Variants in CDK14 observed in about 807,000 individuals in gnomAD.
CDK14 encodes the protein cyclin-dependent kinase 14.
Under a neutral mutation model 60.7 loss-of-function variants are expected in CDK14, and 34 were observed. The ratio of observed to expected loss-of-function variants is 0.56; its 90% CI spans 0.43 to 0.75. The LOEUF (loss-of-function observed/expected upper bound fraction) is 0.75, where lower values mean the gene tolerates loss of function less well. Ranked by LOEUF, CDK14 falls within the 30% of genes least tolerant of loss-of-function variation. CDK14 has a pLI of 0.00. For missense variants in CDK14, 482 were observed against 564.1 expected (o/e 0.85, Z 1.47); for synonymous variants, 197 against 203.7 (o/e 0.97, Z 0.28).
chr7:91,180,127 T>A (rs1801948785), intron 14 of CDK14, among the ~76,000 whole-genome samples: 1 of 152,140 alleles, frequency 6.6e-6, no homozygotes, highest in East Asian at 1.9e-4. Context: ...GTCTTCAGAT[T>A]CCCCTTGTCA....
At chr7:91,072,566 G>T (rs368568694) in intron 11 of CDK14, among the ~76,000 whole-genome samples, 2 of 152,272 alleles carry the variant, frequency 1.3e-5, no homozygotes, top group South Asian at 2.1e-4. Context: ...ATGAAGATGA[G>T]AAAGAATCAA....
At chr7:90,760,744 G>A (rs901811665) in intron 4 of CDK14, among the ~76,000 whole-genome samples, 1 of 152,122 alleles carries the variant, frequency 6.6e-6, no homozygotes, top group South Asian at 2.1e-4. Flanking sequence ...ACAAAATACA[G>A]CATTACAATG....
chr7:90,645,254 C>T (rs745361341), intron 2 of CDK14, among the ~76,000 whole-genome samples: 2 of 152,036 alleles, frequency 1.3e-5, no homozygotes, highest in Non-Finnish European at 2.9e-5. Context: ...CAGTTTTTTT[C>T]AGGTATTAAT....
intron 4 of CDK14, among the ~76,000 whole-genome samples, chr7:90,752,807 G>A (rs78668055): frequency 0.013 from 1,939 of 152,156 alleles, 57 homozygotes; most frequent in African/African-American, 0.045. Context: ...AATGACAAAG[G>A]TGACATTACA....
At chr7:91,025,734 C>T (rs931961186) in intron 10 of CDK14, among the ~76,000 whole-genome samples, 9 of 152,198 alleles carry the variant, frequency 5.9e-5, no homozygotes, top group Non-Finnish European at 1.2e-4. Context: ...ACTGCCTGTG[C>T]ACTGCCTGTG....
At chr7:90,869,025 G>A (rs1207974721) in intron 6 of CDK14, among the ~76,000 whole-genome samples, 1 of 152,166 alleles carries the variant, frequency 6.6e-6, no homozygotes, top group African/African-American at 2.4e-5. Flanking sequence ...TTTTCAACTT[G>A]CTACAGAATT....
Position 91,101,402 on chromosome 7 carries a change from T to C in CDK14, c.1155-11140T>C, listed in dbSNP as rs1272696647. Among the ~76,000 whole-genome samples the C allele has an allele frequency of 2.6e-5, 4 of 152,202 alleles. No individual in the cohort carries two copies. The East Asian group carries it at 7.7e-4, about 29-fold the overall frequency. ...CAAATAGCATTATTCTAATATAGCA[T>C]TGGCTGTCAAGTGAGCTGACCATTA... On this transcript the variant is annotated intron_variant, in intron 12 of 14. Transcript: ENST00000380050.
intron 2 of CDK14, among the ~76,000 whole-genome samples, chr7:90,721,582 TG>T (rs776720328): frequency 3.2e-4 from 49 of 152,318 alleles, no homozygotes; most frequent in Non-Finnish European, 5.6e-4. Flanking sequence ...GGATGTTTCC[TG>T]GCTCTTTCAC....
intron 11 of CDK14, among the ~76,000 whole-genome samples, chr7:91,066,524 T>G (rs145660866): frequency 6.6e-6 from 1 of 152,154 alleles, no homozygotes; most frequent in African/African-American, 2.4e-5. Flanking sequence ...ACAAAAACAT[T>G]GGTGAGAAGA....
chr7:90,812,073 T>C (rs1402271248), intron 5 of CDK14, among the ~76,000 whole-genome samples: 3 of 152,108 alleles, frequency 2.0e-5, no homozygotes, highest in African/African-American at 4.8e-5. Context: ...TCCTCAGGGA[T>C]CTAGAACTAG....
intron 14 of CDK14, among the ~76,000 whole-genome samples, chr7:91,146,862 T>TA (rs1418105939): frequency 6.6e-6 from 1 of 152,138 alleles, no homozygotes; most frequent in Non-Finnish European, 1.5e-5. Context: ...ATCTGCCTCC[T>TA]TTTTTCTTTG....
intron 8 of CDK14, among the ~76,000 whole-genome samples, chr7:90,933,681 T>C (rs535996653): frequency 6.6e-6 from 1 of 152,330 alleles, no homozygotes; most frequent in Non-Finnish European, 1.5e-5. Context: ...AAGAATTATT[T>C]TCAAGGTCCA....
chr7:90,726,347 AT>A, intron 2 of CDK14: 3 of 968,040 alleles, frequency 3.1e-6, no homozygotes, highest in Non-Finnish European at 3.7e-6. Flanking sequence ...TTAGAGGTAG[AT>A]TTTTTAGTGT....
At chr7:90,758,915 G>T (rs1046826678) in intron 4 of CDK14, among the ~76,000 whole-genome samples, 2 of 152,102 alleles carry the variant, frequency 1.3e-5, no homozygotes, top group African/African-American at 4.8e-5. Flanking sequence ...AATCAGCTGG[G>T]TGTGGTGGCA....
At chr7:91,083,688 T>C (rs1216127682) in intron 12 of CDK14, among the ~76,000 whole-genome samples, 1 of 152,212 alleles carries the variant, frequency 6.6e-6, no homozygotes, top group Non-Finnish European at 1.5e-5. Context: ...TCTAGGAAAT[T>C]GCAGATAGGA....
At chr7:90,610,589 A>G (rs1563015026) in intron 2 of CDK14, among the ~76,000 whole-genome samples, 1 of 152,250 alleles carries the variant, frequency 6.6e-6, no homozygotes, top group Non-Finnish European at 1.5e-5. Flanking sequence ...TCTGGAGACC[A>G]GAAGTCTGAC....
intron 14 of CDK14, among the ~76,000 whole-genome samples, chr7:91,194,159 A>T (rs1014684263): frequency 1.3e-5 from 2 of 152,236 alleles, no homozygotes; most frequent in Non-Finnish European, 2.9e-5. Flanking sequence ...ATAAGGAAGT[A>T]CTGAGAGAGA....
chr7:91,034,847 G>A (rs1276694148), intron 10 of CDK14, among the ~76,000 whole-genome samples: 1 of 151,974 alleles, frequency 6.6e-6, no homozygotes, highest in Non-Finnish European at 1.5e-5. Flanking sequence ...CTTACCTAGT[G>A]GTAGTTTAGG....
At chr7:90,649,844 T>G (rs1350232009) in intron 2 of CDK14, among the ~76,000 whole-genome samples, 1 of 152,218 alleles carries the variant, frequency 6.6e-6, no homozygotes, top group Non-Finnish European at 1.5e-5. Flanking sequence ...CCACATTTTC[T>G]TAATCCAGTC....
Sources: gnomAD v4.1 joint callset for allele counts (sites outside exome capture counted in the v4.1 genomes callset) on GRCh38, gnomAD v4.1.1 for gene constraint, MANE v1.5 for transcripts, NCBI Gene and HGNC (gene_info 2026-07-23, HGNC 2026-07-21) for gene names.